RBFOX1: variants seen among roughly 807,000 people sequenced by gnomAD.
RBFOX1 encodes the protein RNA binding protein fox-1 homolog 1.
A neutral mutation model predicts 57.7 loss-of-function variants in RBFOX1; 8 were observed. The ratio of observed to expected loss-of-function variants is 0.14; its 90% CI spans 0.08 to 0.25. RBFOX1 has a LOEUF of 0.25. Ranked by LOEUF, RBFOX1 falls within the 10% of genes least tolerant of loss-of-function variation. The pLI is 1.00. For synonymous variants in RBFOX1, 326 were observed against 222.4 expected, an observed-to-expected ratio of 1.47 and a Z score of -4.15; for missense variants, 611 against 548.5, an observed-to-expected ratio of 1.11 and a Z score of -1.14.
chr16:5,517,847 T>TAC (rs60932835), intron 2 of RBFOX1, among the ~76,000 whole-genome samples: 54,129 of 150,522 alleles, frequency 0.36, 9,872 homozygotes, highest in Admixed American at 0.43. Context: ...CATATATGTA[T>TAC]ACACACACAC....
rs150816431 is a variant in RBFOX1 at position 7,620,617 on chromosome 16, T to A, written c.677-9986T>A. ...AGCTAACATCTTTAGCCAGGAAGAG[T>A]CAGGTGTTTCCTGCCAGATGGCAGC... On this transcript the variant is annotated intron_variant, in intron 10 of 15. Transcript: ENST00000550418. 7.2e-5 allele frequency among the ~76,000 whole-genome samples: 11 copies of A among 152,142 alleles called. No individual in the cohort carries two copies. In the East Asian group the frequency reaches 2.1e-3, roughly 29 times the overall value.
At chr16:7,269,081 C>G (rs1211750828) in intron 4 of RBFOX1, among the ~76,000 whole-genome samples, 1 of 144,046 alleles carries the variant, frequency 6.9e-6, no homozygotes, top group Non-Finnish European at 1.5e-5. Flanking sequence ...GAATCAGCCT[C>G]TGGATCACAT....
chr16:6,721,657 G>T (rs1406621205), intron 3 of RBFOX1: 1 of 152,072 alleles, frequency 6.6e-6, no homozygotes, highest in Non-Finnish European at 1.5e-5. Flanking sequence ...TCCTATTCTA[G>T]CTACCTCATA....
chr16:5,910,840 C>G (rs1206511494), intron 4 of RBFOX1, among the ~76,000 whole-genome samples: 1 of 152,144 alleles, frequency 6.6e-6, no homozygotes, highest in Admixed American at 6.5e-5. Context: ...GATTCACAAC[C>G]CCAGGAAAGC....
chr16:5,365,028 C>T (rs113702138), intron 1 of RBFOX1, among the ~76,000 whole-genome samples: 7 of 152,050 alleles, frequency 4.6e-5, no homozygotes, highest in Non-Finnish European at 8.8e-5. Context: ...GATTTGAATG[C>T]GAAAGACTTA....
intron 1 of RBFOX1, among the ~76,000 whole-genome samples, chr16:5,305,484 C>T (rs1013585462): frequency 6.6e-6 from 1 of 152,160 alleles, no homozygotes; most frequent in African/African-American, 2.4e-5. Flanking sequence ...TTTCCCTTGA[C>T]TTCTTTAAAG....
chr16:6,616,374 A>G (rs1479546147), intron 2 of RBFOX1, among the ~76,000 whole-genome samples: 1 of 151,676 alleles, frequency 6.6e-6, no homozygotes, highest in African/African-American at 2.4e-5. Context: ...TACAGTAAAA[A>G]TGTTTGGTTT....
chr16:6,612,849 C>CAA (rs539098192), intron 2 of RBFOX1, among the ~76,000 whole-genome samples: 165 of 103,074 alleles, frequency 1.6e-3, no homozygotes, highest in African/African-American at 4.8e-3. Context: ...GACTCTCTCT[C>CAA]AAAAAAAAAA....
At chr16:6,755,756 G>T (rs982841388) in intron 3 of RBFOX1, among the ~76,000 whole-genome samples, 2 of 152,094 alleles carry the variant, frequency 1.3e-5, no homozygotes, top group African/African-American at 4.8e-5. Flanking sequence ...TCACCCCCTT[G>T]TACTTTGGCC....
chr16:7,140,157 C>CCTCTCT (rs57128710), intron 4 of RBFOX1, among the ~76,000 whole-genome samples: 2,270 of 70,730 alleles, frequency 0.032, 69 homozygotes, highest in African/African-American at 0.043. Context: ...TCCTTCTCTC[C>CCTCTCT]CTCTCTCTCT....
chr16:7,680,624 A>T (rs1252505428), intron 14 of RBFOX1, among the ~76,000 whole-genome samples: 4 of 152,156 alleles, frequency 2.6e-5, no homozygotes, highest in African/African-American at 9.7e-5. Context: ...GAAGCTTTTG[A>T]CATTAATTGC....
intron 3 of RBFOX1, among the ~76,000 whole-genome samples, chr16:6,765,023 G>A (rs990108897): frequency 1.4e-4 from 21 of 147,692 alleles, no homozygotes; most frequent in Non-Finnish European, 2.9e-4. Flanking sequence ...AAGGTTTTCA[G>A]AAAAAAAAAA....
chr16:7,483,604 G>C (rs2064585983), intron 4 of RBFOX1, among the ~76,000 whole-genome samples: 1 of 152,130 alleles, frequency 6.6e-6, no homozygotes, highest in African/African-American at 2.4e-5. Context: ...ATACAGATAG[G>C]ACAGTGTTCT....
At chr16:6,273,153 G>A (rs559133121) in intron 1 of RBFOX1, among the ~76,000 whole-genome samples, 2 of 151,726 alleles carry the variant, frequency 1.3e-5, no homozygotes, top group African/African-American at 4.8e-5. Context: ...CTAGTTACTC[G>A]GGAGGCTGAG....
intron 3 of RBFOX1, among the ~76,000 whole-genome samples, chr16:5,707,672 G>A (rs2051303762): frequency 6.6e-6 from 1 of 152,188 alleles, no homozygotes; most frequent in African/African-American, 2.4e-5. Context: ...TTGCATCCTT[G>A]TTTGGAAACC....
At chr16:6,642,150 C>T (rs72762967) in intron 2 of RBFOX1, among the ~76,000 whole-genome samples, 28,741 of 152,106 alleles carry the variant, frequency 0.19, 3,014 homozygotes, top group Non-Finnish European at 0.23. Flanking sequence ...TGACAGAAGG[C>T]AGGCGACAAA....
chr16:7,184,573 A>G (rs1602176833), intron 4 of RBFOX1, among the ~76,000 whole-genome samples: 2 of 152,326 alleles, frequency 1.3e-5, no homozygotes, highest in South Asian at 4.1e-4. Flanking sequence ...CTTTGTGACA[A>G]TCCTTAGTCT....
intron 9 of RBFOX1, among the ~76,000 whole-genome samples, chr16:7,605,564 G>A (rs1200220783): frequency 6.6e-6 from 1 of 152,166 alleles, no homozygotes; most frequent in African/African-American, 2.4e-5. Flanking sequence ...GATTTCGATA[G>A]ACATACTGGC....
chr16:6,210,726 A>G (rs1431791831), intron 1 of RBFOX1, among the ~76,000 whole-genome samples: 1 of 152,136 alleles, frequency 6.6e-6, no homozygotes, highest in Non-Finnish European at 1.5e-5. Flanking sequence ...CTCCCTCTCA[A>G]CAAAAAAAAA....
Sources: gnomAD v4.1 joint callset for allele counts (sites outside exome capture counted in the v4.1 genomes callset) on GRCh38, gnomAD v4.1.1 for gene constraint, MANE v1.5 for transcripts, NCBI Gene and HGNC (gene_info 2026-07-23, HGNC 2026-07-21) for gene names.